The following SMYD3 variants were observed in gnomAD, a reference collection of about 807,000 sequenced individuals.
SMYD3 encodes histone-lysine N-methyltransferase SMYD3.
A neutral mutation model predicts 57.7 loss-of-function variants in SMYD3; 36 were observed. That is an observed-to-expected ratio of 0.62 (90% CI 0.48 to 0.82). The LOEUF is 0.82. Among genes scored for constraint, SMYD3 ranks in the 40% least tolerant of loss-of-function variants. The probability of loss-of-function intolerance (pLI) is 0.00; values close to 1 mark genes in which losing one functional copy is unlikely to be tolerated. For missense variants in SMYD3, 515 were observed against 538.8 expected (o/e 0.96, Z 0.44); for synonymous variants, 211 against 195.0 (o/e 1.08, Z -0.68).
intron 1 of SMYD3, among the ~76,000 whole-genome samples, chr1:246,459,115 C>T (rs1318890258): frequency 6.6e-6 from 1 of 152,182 alleles, no homozygotes; most frequent in Admixed American, 6.5e-5. Context: ...ACAGAGTTCT[C>T]GCAAGATATT....
At chr1:245,977,403 G>A (rs867891012) in intron 5 of SMYD3, among the ~76,000 whole-genome samples, 21 of 152,272 alleles carry the variant, frequency 1.4e-4, no homozygotes, top group Middle Eastern at 3.4e-3. Context: ...GAGGGGCCAC[G>A]CACGGTGGCT....
intron 5 of SMYD3, among the ~76,000 whole-genome samples, chr1:246,184,334 A>T (rs1185734291): frequency 1.3e-5 from 2 of 152,190 alleles, no homozygotes; most frequent in African/African-American, 2.4e-5. Context: ...ACCACTGAAA[A>T]ATTAGAACAG....
At chr1:246,318,256 C>T (rs993076032) in intron 5 of SMYD3, among the ~76,000 whole-genome samples, 2 of 152,092 alleles carry the variant, frequency 1.3e-5, no homozygotes, top group Non-Finnish European at 2.9e-5. Context: ...CATGGTGGCA[C>T]ACACTTGTAG....
chr1:245,920,084 C>A (rs189384944), intron 7 of SMYD3, among the ~76,000 whole-genome samples: 2 of 152,014 alleles, frequency 1.3e-5, no homozygotes, highest in African/African-American at 2.4e-5. Context: ...GAGGCCAAGG[C>A]GGTAGGATCA....
intron 8 of SMYD3, among the ~76,000 whole-genome samples, chr1:245,872,884 C>T (rs1050697843): frequency 1.8e-4 from 27 of 152,200 alleles, no homozygotes; most frequent in Admixed American, 1.6e-3. Context: ...GGTATGAAGT[C>T]AGAACTTCTA....
chr1:246,151,032 G>A (rs2061933375), intron 5 of SMYD3, among the ~76,000 whole-genome samples: 1 of 152,126 alleles, frequency 6.6e-6, no homozygotes, highest in Non-Finnish European at 1.5e-5. Context: ...TGGATCACGA[G>A]GTCAGGAGTT....
intron 8 of SMYD3, among the ~76,000 whole-genome samples, chr1:245,911,957 G>T (rs1286433647): frequency 6.6e-6 from 1 of 152,046 alleles, no homozygotes; most frequent in African/African-American, 2.4e-5. Context: ...ATTACACATT[G>T]TATGCTGGTA....
At chr1:245,928,646 C>G (rs1316014801) in intron 6 of SMYD3, among the ~76,000 whole-genome samples, 2 of 152,084 alleles carry the variant, frequency 1.3e-5, no homozygotes, top group Non-Finnish European at 2.9e-5. Context: ...TGCACTCCAG[C>G]CTGGGTGACA....
At chr1:245,930,314 T>A (rs530375805) in intron 5 of SMYD3, 8 of 360,976 alleles carry the variant, frequency 2.2e-5, no homozygotes, top group South Asian at 1.7e-4. Context: ...TGTATCACGA[T>A]TTTTTCAAAC....
At chr1:246,193,874 G>A (rs187714362) in intron 5 of SMYD3, 1 of 152,142 alleles carries the variant, frequency 6.6e-6, no homozygotes, top group African/African-American at 2.4e-5. Flanking sequence ...TTACCTTTGT[G>A]TCCCCTTTCA....
At chr1:246,442,287 T>C (rs1344554840) in intron 1 of SMYD3, among the ~76,000 whole-genome samples, 1 of 152,176 alleles carries the variant, frequency 6.6e-6, no homozygotes, top group Non-Finnish European at 1.5e-5. Flanking sequence ...CCAGGCATGG[T>C]GGCTCACGCC....
intron 5 of SMYD3, among the ~76,000 whole-genome samples, chr1:246,290,075 TG>T (rs1558380371): frequency 3.3e-5 from 5 of 152,138 alleles, no homozygotes; most frequent in African/African-American, 4.8e-5. Flanking sequence ...CTTCAAATGA[TG>T]TTCAAATATA....
chr1:246,307,574 C>T (rs10802391), intron 5 of SMYD3, among the ~76,000 whole-genome samples: 45,850 of 148,100 alleles, frequency 0.31, 6,251 homozygotes, highest in East Asian at 0.62. Flanking sequence ...CGCCCGCCAC[C>T]ACGCCCGGCT....
chr1:246,335,989 A>G (rs2065537593), intron 2 of SMYD3, among the ~76,000 whole-genome samples: 1 of 152,236 alleles, frequency 6.6e-6, no homozygotes, highest in African/African-American at 2.4e-5. Context: ...CAACATAAAA[A>G]GAACTATTAG....
chr1:245,851,680 C>A (rs1241391745), intron 10 of SMYD3, among the ~76,000 whole-genome samples: 1 of 152,206 alleles, frequency 6.6e-6, no homozygotes, highest in Non-Finnish European at 1.5e-5. Flanking sequence ...AGGGGAGGAA[C>A]AAGCAGCTTC....
At chr1:246,442,998 C>T (rs1365764775) in intron 1 of SMYD3, among the ~76,000 whole-genome samples, 2 of 152,132 alleles carry the variant, frequency 1.3e-5, no homozygotes, top group South Asian at 4.1e-4. Flanking sequence ...ATTTTATGCT[C>T]TACTGTATTT....
At chr1:245,836,527 G>C (rs1047019631) in intron 10 of SMYD3, among the ~76,000 whole-genome samples, 2 of 152,212 alleles carry the variant, frequency 1.3e-5, no homozygotes, top group Non-Finnish European at 2.9e-5. Context: ...CTCCGAGTCG[G>C]TTGGGGTTTG....
chr1:246,286,870 C>CTT (rs1190629612), intron 5 of SMYD3, among the ~76,000 whole-genome samples: 2 of 146,868 alleles, frequency 1.4e-5, no homozygotes, highest in African/African-American at 2.5e-5. Flanking sequence ...ATAAAAAAAT[C>CTT]TTTTTTTTTG....
chr1:246,366,275 A>G (rs1297130267), intron 1 of SMYD3, among the ~76,000 whole-genome samples: 2 of 152,232 alleles, frequency 1.3e-5, no homozygotes, highest in Non-Finnish European at 2.9e-5. Flanking sequence ...ATTCCTTAAC[A>G]TGAGTTATTT....
Sources: allele counts gnomAD v4.1 joint callset (sites outside exome capture counted in the v4.1 genomes callset), GRCh38; gene constraint gnomAD v4.1.1; transcripts MANE v1.5; gene names NCBI Gene and HGNC (gene_info 2026-07-23, HGNC 2026-07-21).